The following MALRD1 variants were observed in gnomAD, a reference collection of about 807,000 sequenced individuals.
The protein encoded by MALRD1 is MAM and LDL-receptor class A domain-containing protein 1.
Under a neutral mutation model 242.1 loss-of-function variants are expected in MALRD1, and 247 were observed. The observed-to-expected ratio is 1.02, with a 90% CI of 0.92 to 1.13. The LOEUF is 1.13. Ranked by LOEUF, MALRD1 falls within the 50% of genes most tolerant of loss-of-function variation. MALRD1 has a pLI of 0.00. For synonymous variants in MALRD1, 995 were observed against 866.6 expected (o/e 1.15, Z -2.60); for missense variants, 2,989 against 2,533.1 (o/e 1.18, Z -3.86).
intron 4 of MALRD1, among the ~76,000 whole-genome samples, chr10:19,103,720 A>C (rs10826949): frequency 0.44 from 66,614 of 151,894 alleles, 14,908 homozygotes; most frequent in Admixed American, 0.53. Context: ...GTAGGGAAAA[A>C]TCTAGGTGAG....
chr10:19,117,229 G>A (rs1187490975), intron 5 of MALRD1, among the ~76,000 whole-genome samples: 1 of 152,062 alleles, frequency 6.6e-6, no homozygotes, highest in Non-Finnish European at 1.5e-5. Context: ...AAAAAGAGCT[G>A]TCCAGATTTA....
At chr10:19,518,884 T>G (rs1195366688) in intron 31 of MALRD1, among the ~76,000 whole-genome samples, 1 of 152,210 alleles carries the variant, frequency 6.6e-6, no homozygotes, top group Non-Finnish European at 1.5e-5. Flanking sequence ...GCACTGCCAG[T>G]GCAACACTAG....
At chr10:19,504,671 T>G (rs1838122492) in intron 31 of MALRD1, among the ~76,000 whole-genome samples, 6 of 95,990 alleles carry the variant, frequency 6.3e-5, no homozygotes, top group Admixed American at 4.9e-4. Context: ...CACATTTTTT[T>G]TTTTTTTTTT....
At chr10:19,075,670 T>A (rs529415696) in intron 2 of MALRD1, among the ~76,000 whole-genome samples, 1 of 152,112 alleles carries the variant, frequency 6.6e-6, no homozygotes, top group Admixed American at 6.6e-5. Flanking sequence ...AGCCTATTCA[T>A]CCTCAGGGCC....
intron 28 of MALRD1, among the ~76,000 whole-genome samples, chr10:19,426,662 G>A (rs1222495019): frequency 6.6e-6 from 1 of 152,060 alleles, no homozygotes; most frequent in African/African-American, 2.4e-5. Context: ...AATTAGCTGG[G>A]CATGGTGGGG....
Position 19,128,241 on chromosome 10 carries a change from G to T in MALRD1, c.964G>T (p.Ala322Ser). The T allele has an allele frequency of 8.1e-7, 1 of 1,233,422 alleles. No individual in the cohort carries two copies. The highest frequency in any genetic ancestry group is 1.0e-6 in the Non-Finnish European group (1 of 987,804). The allele number at this position is 1,233,422 out of a possible 1,614,324, so 76.4% of individuals were successfully genotyped here. A position where few individuals can be genotyped will look rare whatever the true frequency, so the allele number is the denominator to read the frequency against. The change falls in exon 8 of 40, where the codon GCT becomes TCT. Residue 322 changes from alanine to serine, a missense_variant. Ala to Ser is a moderately conservative substitution (Grantham distance 99, BLOSUM62 1). Coordinates refer to ENST00000454679, the MANE Select transcript of MALRD1 (RefSeq NM_001142308.3). Reference protein sequence around the residue: ...DDEGYYVWVGAKHGFTLNHLD... With the variant: ...DDEGYYVWVGSKHGFTLNHLD... Reference sequence around the variant, plus strand: ...TTCAGGTTATTATGTATGGGTAGGCGCTAAGCATGGTTTCACTCTTAACCA... The same window carrying T: ...TTCAGGTTATTATGTATGGGTAGGCTCTAAGCATGGTTTCACTCTTAACCA...
At chr10:19,647,501 T>C (rs779286675) in intron 36 of MALRD1, among the ~76,000 whole-genome samples, 1 of 152,108 alleles carries the variant, frequency 6.6e-6, no homozygotes, top group Non-Finnish European at 1.5e-5. Flanking sequence ...TGACCAGTGA[T>C]TTATTTTCTA....
chr10:19,342,179 G>A (rs943322498), intron 24 of MALRD1, among the ~76,000 whole-genome samples: 66 of 152,188 alleles, frequency 4.3e-4, no homozygotes, highest in African/African-American at 1.5e-3. Flanking sequence ...CTCCGCTGTG[G>A]TAAAAATTAA....
chr10:19,210,742 AT>A (rs1837012918), intron 18 of MALRD1, among the ~76,000 whole-genome samples: 1 of 152,220 alleles, frequency 6.6e-6, no homozygotes, highest in Non-Finnish European at 1.5e-5. Context: ...TGAAGAACAC[AT>A]TGGAATGGGA....
At chr10:19,211,692 A>C (rs1404474408) in intron 18 of MALRD1, among the ~76,000 whole-genome samples, 2 of 8,144 alleles carry the variant, frequency 2.5e-4, no homozygotes, top group South Asian at 0.011. Flanking sequence ...CACAAAAAAA[A>C]AAAAAAAAAA....
chr10:19,244,497 G>C (rs919713721), intron 18 of MALRD1, among the ~76,000 whole-genome samples: 1 of 152,000 alleles, frequency 6.6e-6, no homozygotes, highest in Admixed American at 6.6e-5. Context: ...TTGAGTCCGA[G>C]AGGCAGAGGT....
chr10:19,546,381 C>T (rs1009330992), intron 32 of MALRD1, among the ~76,000 whole-genome samples: 1 of 152,134 alleles, frequency 6.6e-6, no homozygotes, highest in Non-Finnish European at 1.5e-5. Context: ...TTATGGCAGT[C>T]GTAAGGGACA....
In MALRD1 at chr10:19,612,620, A is replaced by T. The variant is rs79824509; in HGVS notation, c.6071-3237A>T. Among the ~76,000 whole-genome samples, 24 of 149,568 alleles carry T rather than the reference A, an allele frequency of 1.6e-4. No individual in the cohort carries two copies. In the East Asian group the frequency reaches 4.5e-3, roughly 28 times the overall value. On this transcript the variant is annotated intron_variant, in intron 35 of 39. Transcript: ENST00000454679. ...ATACCTGAGACTGGGTAGTTTATTT[A>T]AAAAAAAAATAGGTTTCATTGGCTC...
intron 21 of MALRD1, among the ~76,000 whole-genome samples, chr10:19,287,710 C>T (rs918971227): frequency 1.3e-5 from 2 of 152,064 alleles, no homozygotes; most frequent in African/African-American, 4.8e-5. Flanking sequence ...AATTTAAAAA[C>T]TATACCATAT....
At chr10:19,636,313 T>C (rs1840122541) in intron 36 of MALRD1, among the ~76,000 whole-genome samples, 1 of 152,080 alleles carries the variant, frequency 6.6e-6, no homozygotes, top group Admixed American at 6.6e-5. Context: ...TTACTACCCA[T>C]TGACTTTCCA....
intron 14 of MALRD1, among the ~76,000 whole-genome samples, chr10:19,189,476 C>G (rs1038763902): frequency 1.3e-5 from 2 of 150,874 alleles, no homozygotes; most frequent in Non-Finnish European, 3.0e-5. Flanking sequence ...GCCAGCATTA[C>G]CCTGAGACTC....
intron 18 of MALRD1, among the ~76,000 whole-genome samples, chr10:19,252,022 T>C (rs1347775872): frequency 6.6e-6 from 1 of 152,086 alleles, no homozygotes; most frequent in East Asian, 1.9e-4. Context: ...ATGCTTACTG[T>C]ACAGGCTGTG....
intron 31 of MALRD1, among the ~76,000 whole-genome samples, chr10:19,529,368 A>G (rs576393312): frequency 6.6e-6 from 1 of 152,302 alleles, no homozygotes; most frequent in South Asian, 2.1e-4. Context: ...ATAAAATGGT[A>G]TGATGATATT....
At chr10:19,280,736 C>G (rs1333660392) in intron 20 of MALRD1, among the ~76,000 whole-genome samples, 1 of 152,154 alleles carries the variant, frequency 6.6e-6, no homozygotes, top group Non-Finnish European at 1.5e-5. Context: ...TCAATGGTAC[C>G]TGCCAATTCA....
Sources: gnomAD v4.1 joint callset for allele counts (sites outside exome capture counted in the v4.1 genomes callset) on GRCh38, gnomAD v4.1.1 for gene constraint, MANE v1.5 for transcripts, NCBI Gene and HGNC (gene_info 2026-07-23, HGNC 2026-07-21) for gene names.